The following TAFA5 variants were observed in gnomAD, a reference collection of about 807,000 sequenced individuals.
TAFA5 encodes TAFA chemokine like family member 5.
A neutral mutation model predicts 15.3 loss-of-function variants in TAFA5; 6 were observed. The ratio of observed to expected loss-of-function variants is 0.39; its 90% CI spans 0.21 to 0.77. TAFA5 has a LOEUF of 0.77. Ranked by LOEUF, TAFA5 falls within the 30% of genes least tolerant of loss-of-function variation. The pLI, the probability that TAFA5 is intolerant of heterozygous loss-of-function variation, is 0.41. For missense variants in TAFA5, 161 were observed against 193.1 expected, an observed-to-expected ratio of 0.83 and a Z score of 0.98; for synonymous variants, 103 against 80.7, an observed-to-expected ratio of 1.28 and a Z score of -1.48.
At chr22:48,701,045 C>G (rs1399516101) in intron 2 of TAFA5, among the ~76,000 whole-genome samples, 1 of 152,132 alleles carries the variant, frequency 6.6e-6, no homozygotes, top group African/African-American at 2.4e-5. Context: ...GCACTGCCAG[C>G]TGTGGAGAGG....
intron 3 of TAFA5, among the ~76,000 whole-genome samples, chr22:48,724,672 C>T (rs1929665642): frequency 6.6e-6 from 1 of 152,202 alleles, no homozygotes; most frequent in Non-Finnish European, 1.5e-5. Context: ...AGTGGAAGCC[C>T]GTGCCTTATC....
At chr22:48,663,295 G>T (rs58715565) in intron 2 of TAFA5, among the ~76,000 whole-genome samples, 6,200 of 152,224 alleles carry the variant, frequency 0.041, 204 homozygotes, top group East Asian at 0.14. Context: ...GCAGTTGGGG[G>T]CACTAGAGTG....
chr22:48,670,147 G>A (rs1337806690), intron 2 of TAFA5, among the ~76,000 whole-genome samples: 2 of 152,236 alleles, frequency 1.3e-5, no homozygotes, highest in African/African-American at 4.8e-5. Context: ...TCTCCGGGCT[G>A]TGCGTGTGCT....
chr22:48,605,474 T>C (rs1282104214), intron 1 of TAFA5, among the ~76,000 whole-genome samples: 1 of 92,784 alleles, frequency 1.1e-5, no homozygotes, highest in Non-Finnish European at 2.4e-5. Context: ...AATGATGATG[T>C]TGGTGGTGGC....
Position 48,550,093 on chromosome 22 carries a change from C to T in TAFA5, c.112+60389C>T, listed in dbSNP as rs547273503. Among the ~76,000 whole-genome samples the T allele has an allele frequency of 1.3e-5, 2 of 152,322 alleles. No individual in the cohort carries two copies. Among genetic ancestry groups the T allele is most frequent in the South Asian group, 4.1e-4 (2 of 4,828 alleles). On this transcript the variant is annotated intron_variant, in intron 1 of 3. Transcript: ENST00000402357. This position sits in a 1 kb window ranked among gnomAD's most constrained non-coding sequence, Gnocchi z 4.1. ...AGTGACTCGTATGTGGCAAAGCTGG[C>T]CTGTATCAGAAGCTGGGAACTTTGG...
In TAFA5 at chr22:48,704,815, G is replaced by A. The variant is rs9628603; in HGVS notation, c.263-2902G>A. On this transcript the variant is annotated intron_variant, in intron 2 of 3. Transcript: ENST00000402357. ...GTAGCAAAACTCCGCATACTGAGGG[G>A]CTTAAACAACACACGTTTATTTTCT... Among the ~76,000 whole-genome samples the A allele has an allele frequency of 8.4e-3, 1,272 of 152,218 alleles. 18 individuals are homozygous for A. Among genetic ancestry groups the A allele is most frequent in the African/African-American group, 0.028 (1,159 of 41,518 alleles).
intron 1 of TAFA5, among the ~76,000 whole-genome samples, chr22:48,604,422 G>A (rs957090454): frequency 6.6e-6 from 1 of 152,188 alleles, no homozygotes; most frequent in African/African-American, 2.4e-5. Flanking sequence ...GTTTTGAGCC[G>A]CCGTGGTGGT....
chr22:48,516,668 T>G (rs133500), intron 1 of TAFA5, among the ~76,000 whole-genome samples: 144,040 of 152,312 alleles, frequency 0.95, 68,224 homozygotes, highest in Middle Eastern at 0.99. Context: ...TGGGCTCGGG[T>G]CATGTGGCTC....
chr22:48,635,654 G>C (rs1314991449), intron 1 of TAFA5, among the ~76,000 whole-genome samples: 2 of 152,210 alleles, frequency 1.3e-5, no homozygotes, highest in East Asian at 3.9e-4. Context: ...GTCCTGGCCT[G>C]GTTCCTCCTG....
At chr22:48,704,679 G>A (rs8184967) in intron 2 of TAFA5, among the ~76,000 whole-genome samples, 41,904 of 151,746 alleles carry the variant, frequency 0.28, 5,906 homozygotes, top group African/African-American at 0.31. Context: ...GCTTTTTCTC[G>A]GAGGGAGACA....
chr22:48,511,582 C>T (rs895366007), intron 1 of TAFA5, among the ~76,000 whole-genome samples: 1 of 152,198 alleles, frequency 6.6e-6, no homozygotes, highest in African/African-American at 2.4e-5. Flanking sequence ...AGACAAAACT[C>T]TGTGTTTTCT....
In TAFA5 at chr22:48,700,769, C is replaced by G. The variant is rs1263266189; in HGVS notation, c.263-6948C>G. ...CACAGGTTCTCAGGACACTCAGTAG[C>G]AAGAGCCGTCCCACTTCAGCAGTTC... On this transcript the variant is annotated intron_variant, in intron 2 of 3. Transcript: ENST00000402357. Among the ~76,000 whole-genome samples, 6 of 152,314 alleles carry G rather than the reference C, an allele frequency of 3.9e-5. No individual in the cohort carries two copies. The East Asian group carries it at 9.7e-4, about 25-fold the overall frequency.
In TAFA5 at chr22:48,707,761, C is replaced by G. The variant is rs201563009; in HGVS notation, c.307C>G (p.Leu103Val). Residue 103 changes from leucine to valine, a missense_variant, in exon 3 of 4, where the codon CTG becomes GTG. By Grantham distance (32) the Leu-to-Val change is conservative. Coordinates refer to ENST00000402357, the MANE Select transcript of TAFA5 (RefSeq NM_001082967.3). Reference sequence around the variant, plus strand: ...GCAGTGGTGTGACATGCTTCCGTGTCTGGAGGGGGAAGGCTGCGACTTGTT... The same window carrying G: ...GCAGTGGTGTGACATGCTTCCGTGTGTGGAGGGGGAAGGCTGCGACTTGTT... ...TKQWCDMLPC[L>V]EGEGCDLLIN... 277 of 1,613,938 alleles carry G rather than the reference C, an allele frequency of 1.7e-4. No homozygotes were observed. The highest frequency in any genetic ancestry group is 2.3e-4 in the Non-Finnish European group (268 of 1,179,876).
intron 2 of TAFA5, among the ~76,000 whole-genome samples, chr22:48,678,351 C>T (rs1020427579): frequency 2.6e-5 from 4 of 152,224 alleles, no homozygotes; most frequent in Admixed American, 6.5e-5. Flanking sequence ...GCCAGCCGAG[C>T]CACCCTCGGA....
At chr22:48,633,014 G>T (rs1025408376) in intron 1 of TAFA5, among the ~76,000 whole-genome samples, 1 of 152,178 alleles carries the variant, frequency 6.6e-6, no homozygotes, top group Non-Finnish European at 1.5e-5. Flanking sequence ...GGCCCCTGGC[G>T]CCCTGTGGGA....
At chr22:48,542,489 GTGGTGTGTGTGCGTGTGTGGCAT>G (rs1922460508) in intron 1 of TAFA5, among the ~76,000 whole-genome samples, 2 of 127,596 alleles carry the variant, frequency 1.6e-5, no homozygotes, top group African/African-American at 3.0e-5. Context: ...TGGTGTGTGT[GTGGTGTGTGTGCGTGTGTGGCAT>G]GTGTGTGTGC....
chr22:48,562,919 C>T (rs1270053275), intron 1 of TAFA5, among the ~76,000 whole-genome samples: 6 of 151,916 alleles, frequency 3.9e-5, no homozygotes, highest in Non-Finnish European at 5.9e-5. Flanking sequence ...CCCGGGACCC[C>T]GGGATGCCCG....
intron 1 of TAFA5, among the ~76,000 whole-genome samples, chr22:48,529,311 G>T: frequency 1.4e-5 from 1 of 71,478 alleles, no homozygotes; most frequent in African/African-American, 4.7e-5. Flanking sequence ...GCAGGAGATG[G>T]GGGTGTCCAG....
At chr22:48,637,520 A>G (rs1350799234) in intron 1 of TAFA5, among the ~76,000 whole-genome samples, 1 of 152,158 alleles carries the variant, frequency 6.6e-6, no homozygotes, top group African/African-American at 2.4e-5. Context: ...TAACATCCTA[A>G]TTGATGTGCG....
Sources: allele counts gnomAD v4.1 joint callset (sites outside exome capture counted in the v4.1 genomes callset), GRCh38; gene constraint gnomAD v4.1.1; non-coding constraint Gnocchi (gnomAD v3.1); transcripts MANE v1.5; gene names NCBI Gene and HGNC (gene_info 2026-07-23, HGNC 2026-07-21).